OCM: variants seen among roughly 807,000 people sequenced by gnomAD.
OCM encodes the protein oncomodulin.
OCM carries 18 observed loss-of-function variants against 14.1 expected under a neutral mutation model. The ratio of observed to expected loss-of-function variants is 1.28; its 90% CI spans 0.88 to 1.89. The LOEUF is 1.89. Among genes scored for constraint, OCM ranks in the 40% most tolerant of loss-of-function variants. OCM has a pLI of 0.00. For synonymous variants in OCM, 48 were observed against 51.0 expected, an observed-to-expected ratio of 0.94 and a Z score of 0.25; for missense variants, 140 against 137.6, an observed-to-expected ratio of 1.02 and a Z score of -0.09.
upstream of OCM, among the ~76,000 whole-genome samples, chr7:5,880,546 G>A (rs1000242653): frequency 6.6e-6 from 1 of 152,092 alleles, no homozygotes; most frequent in African/African-American, 2.4e-5. Context: ...ATCACCTGAG[G>A]TCAGGAGCTC....
the OCM span, among the ~76,000 whole-genome samples, chr7:5,872,963 G>A: frequency 6.6e-6 from 1 of 152,158 alleles, no homozygotes; most frequent in African/African-American, 2.4e-5. Flanking sequence ...AGCACTTTGG[G>A]AGGCCAAGAA....
chr7:5,883,703 A>ACAAT (rs914467611), intron 2 of OCM, among the ~76,000 whole-genome samples, 187 bp from the exon 3 acceptor site: 5 of 150,882 alleles, frequency 3.3e-5, no homozygotes, highest in African/African-American at 1.2e-4. Flanking sequence ...AAACAAACAA[A>ACAAT]CAAAACCTTA....
At chr7:5,864,330 G>T in the OCM span, among the ~76,000 whole-genome samples, 4 of 119,680 alleles carry the variant, frequency 3.3e-5, no homozygotes, top group African/African-American at 8.3e-5. Context: ...CTGGGTGACA[G>T]GGGGAGACCT....
At chr7:5,874,331 A>G in the OCM span, among the ~76,000 whole-genome samples, 21 of 151,796 alleles carry the variant, frequency 1.4e-4, no homozygotes, top group South Asian at 4.4e-3. Flanking sequence ...AAGACTACTG[A>G]ATCACTGTTT....
At chr7:5,865,511 C>G in the OCM span, among the ~76,000 whole-genome samples, 1 of 152,168 alleles carries the variant, frequency 6.6e-6, no homozygotes, top group Non-Finnish European at 1.5e-5. Context: ...TTTAGAACAC[C>G]GTGAAGGTCA....
chr7:5,868,760 G>C, the OCM span, among the ~76,000 whole-genome samples: 2 of 152,144 alleles, frequency 1.3e-5, no homozygotes, highest in African/African-American at 4.8e-5. Context: ...AGTCAGACCA[G>C]TACTCATGCT....
At chr7:5,881,038 GC>G in intron 1 of OCM, 88 bp downstream of exon 1, 1 of 1,364,054 alleles carries the variant, frequency 7.3e-7, no homozygotes, top group Non-Finnish European at 1.0e-6. Flanking sequence ...AGGCCAGGCG[GC>G]CAGACGCAGT....
chr7:5,863,897 C>T, the OCM span, among the ~76,000 whole-genome samples: 9 of 151,966 alleles, frequency 5.9e-5, no homozygotes, highest in South Asian at 1.5e-3. Flanking sequence ...GGGAGAGGGC[C>T]GATGTTGTCT....
the OCM span, among the ~76,000 whole-genome samples, chr7:5,874,732 C>G: frequency 2.8e-4 from 43 of 152,144 alleles, no homozygotes; most frequent in East Asian, 5.8e-3. Flanking sequence ...TCTCAAACTC[C>G]TGGCTTCAAG....
chr7:5,869,015 A>G, the OCM span, among the ~76,000 whole-genome samples: 1 of 152,144 alleles, frequency 6.6e-6, no homozygotes, highest in Admixed American at 6.6e-5. Context: ...GTGAGCTGAG[A>G]TCGCGCCATT....
the OCM span, among the ~76,000 whole-genome samples, chr7:5,872,938 CA>C: frequency 6.6e-6 from 1 of 152,174 alleles, no homozygotes; most frequent in East Asian, 1.9e-4. Context: ...CACGGTGGCT[CA>C]CACCTGTAAT....
chr7:5,864,228 C>T, the OCM span, among the ~76,000 whole-genome samples: 1 of 150,862 alleles, frequency 6.6e-6, no homozygotes, highest in African/African-American at 2.4e-5. Flanking sequence ...GGTCCCAGCT[C>T]CTGGTTGGGG....
the OCM span, among the ~76,000 whole-genome samples, chr7:5,867,050 C>T: frequency 2.6e-5 from 4 of 152,126 alleles, no homozygotes; most frequent in Non-Finnish European, 5.9e-5. Flanking sequence ...ATTAACAAAT[C>T]CCTGCACATT....
chr7:5,882,425 T>C (rs13236282), intron 1 of OCM, 68 bp from the exon 2 acceptor site: 507,331 of 1,547,240 alleles, frequency 0.33, 86,050 homozygotes, highest in East Asian at 0.52. Context: ...TCTGTGTTTT[T>C]AGTACCTTGG....
chr7:5,877,564 A>C (rs915424926), upstream of OCM, among the ~76,000 whole-genome samples: 3 of 151,914 alleles, frequency 2.0e-5, no homozygotes, highest in African/African-American at 7.3e-5. Context: ...CACATCTGTA[A>C]TCCCAGCACT....
rs577631037 is a variant in OCM, at chr7:5,885,895, C to T, written c.305-169C>T. Among the ~76,000 whole-genome samples the T allele has an allele frequency of 3.9e-5, 6 of 152,282 alleles. No individual in the cohort carries two copies. The South Asian group carries it at 1.0e-3, about 26-fold the overall frequency. Reference sequence around the variant, plus strand: ...AAGTGCTGGGATTACAGGCATGAGCCACTGTGCCCGGCCAGTTTTTCTTTC... The same window carrying T: ...AAGTGCTGGGATTACAGGCATGAGCTACTGTGCCCGGCCAGTTTTTCTTTC... On this transcript the variant is annotated intron_variant, in intron 3 of 3. Coordinates refer to ENST00000242104, the MANE Select transcript of OCM (RefSeq NM_001097622.2).
At chr7:5,870,745 CAG>C in the OCM span, among the ~76,000 whole-genome samples, 2 of 152,118 alleles carry the variant, frequency 1.3e-5, no homozygotes, top group Non-Finnish European at 2.9e-5. Flanking sequence ...CATGTCAGCA[CAG>C]AGGTTTAACA....
chr7:5,864,420 G>C, the OCM span, among the ~76,000 whole-genome samples: 1 of 151,758 alleles, frequency 6.6e-6, no homozygotes, highest in East Asian at 1.9e-4. Context: ...GAAGGGGTTT[G>C]CTGCCCTCTG....
the OCM span, among the ~76,000 whole-genome samples, chr7:5,861,899 T>C: frequency 6.6e-6 from 1 of 151,912 alleles, no homozygotes; most frequent in Non-Finnish European, 1.5e-5. Flanking sequence ...TTTAAAAAAA[T>C]TTTTTTAGAG....
Sources: allele counts gnomAD v4.1 joint callset (sites outside exome capture counted in the v4.1 genomes callset), GRCh38; gene constraint gnomAD v4.1.1; transcripts MANE v1.5; gene names NCBI Gene and HGNC (gene_info 2026-07-23, HGNC 2026-07-21).